The following COL6A5 variants were observed in gnomAD, a reference collection of about 807,000 sequenced individuals.
The protein encoded by COL6A5 is collagen type VI alpha 5 chain.
A neutral mutation model predicts 65.6 loss-of-function variants in COL6A5; 48 were observed. The ratio of observed to expected loss-of-function variants is 0.73; its 90% confidence interval spans 0.58 to 0.93. The LOEUF is 0.93. COL6A5 is among the 40% of genes least tolerant of loss of function. COL6A5 has a pLI of 0.00. For synonymous variants in COL6A5, 291 were observed against 322.8 expected, an observed-to-expected ratio of 0.90 and a Z score of 1.05; for missense variants, 914 against 928.3, an observed-to-expected ratio of 0.98 and a Z score of 0.20.
At chr3:130,423,743 AT>A (rs35980322) in intron 28 of COL6A5, 94 bp from the exon 29 acceptor site, 656,780 of 912,326 alleles carry the variant, frequency 0.72, 239,921 homozygotes, top group Non-Finnish European at 0.74. Context: ...TCTTTTTAAA[AT>A]TTTTTTTAAA....
intron 1 of COL6A5, among the ~76,000 whole-genome samples, chr3:130,369,646 T>C (rs1450060224): frequency 2.0e-5 from 3 of 152,212 alleles, no homozygotes; most frequent in Non-Finnish European, 4.4e-5. Flanking sequence ...TTCACAGATA[T>C]TTTTGACCAA....
Position 130,426,295 on chromosome 3 carries a change from G to A in COL6A5, c.5199+46G>A, listed in dbSNP as rs1330969193. 1.9e-6 allele frequency: 3 copies of A among 1,549,796 alleles called. No individual in the cohort carries two copies. The South Asian group carries it at 3.6e-5, about 18-fold the overall frequency. ...GAAAGAAAACTCAATAAGTTCACTG[G>A]GAAATAAACACAGTTACTCAAAAGT... On this transcript the variant is annotated intron_variant and NMD_transcript_variant, in intron 30 of 41. Coordinates refer to the COL6A5 transcript ENST00000312481.
At chr3:130,482,292 C>T (rs984244021) in intron 7 of COL6A5, among the ~76,000 whole-genome samples, 5 of 151,992 alleles carry the variant, frequency 3.3e-5, no homozygotes, top group South Asian at 2.1e-4. Context: ...CACCATTTAA[C>T]GAATAGGAGA....
intron 1 of COL6A5, 118 bp from the exon 2 acceptor site, chr3:130,373,493 C>T: frequency 5.0e-6 from 3 of 604,816 alleles, no homozygotes; most frequent in South Asian, 2.2e-5. Flanking sequence ...TATAAACACA[C>T]TTGGCACTGC....
chr3:130,470,114 C>T (rs906969704), intron 6 of COL6A5, among the ~76,000 whole-genome samples: 1 of 152,106 alleles, frequency 6.6e-6, no homozygotes, highest in Non-Finnish European at 1.5e-5. Flanking sequence ...ATCTCCTCTA[C>T]AGCCTCTATG....
At chr3:130,383,348 A>C (rs1249019206) in intron 4 of COL6A5, among the ~76,000 whole-genome samples, 5 of 152,054 alleles carry the variant, frequency 3.3e-5, no homozygotes, top group Non-Finnish European at 5.9e-5. Context: ...CGTGTATTGG[A>C]TAGCACAGCC....
At chr3:130,462,202 C>T (rs1346680658) in intron 5 of COL6A5, among the ~76,000 whole-genome samples, 1 of 152,030 alleles carries the variant, frequency 6.6e-6, no homozygotes, top group East Asian at 1.9e-4. Context: ...CTTTGTTGCC[C>T]CAACACGTGC....
chr3:130,432,499 C>T (rs187555798), intron 1 of COL6A5, among the ~76,000 whole-genome samples: 6 of 149,852 alleles, frequency 4.0e-5, no homozygotes, highest in Non-Finnish European at 7.4e-5. Context: ...TGTGGTGAGC[C>T]GAAATGGCGC....
intron 7 of COL6A5, among the ~76,000 whole-genome samples, chr3:130,481,746 C>A (rs574137516): frequency 6.6e-6 from 1 of 152,202 alleles, no homozygotes; most frequent in Non-Finnish European, 1.5e-5. Flanking sequence ...ATCTAACTGG[C>A]GTGAGATAGT....
intron 20 of COL6A5, among the ~76,000 whole-genome samples, chr3:130,411,484 G>T (rs1937173500): frequency 6.6e-6 from 1 of 152,130 alleles, no homozygotes; most frequent in Non-Finnish European, 1.5e-5. Context: ...ACTTGCCTTT[G>T]TTTATCTTGA....
At chr3:130,459,317 T>C (rs1329267412) in intron 5 of COL6A5, among the ~76,000 whole-genome samples, 1 of 152,140 alleles carries the variant, frequency 6.6e-6, no homozygotes, top group Non-Finnish European at 1.5e-5. Context: ...CTTATTCTGA[T>C]TTATAAATTG....
At position 130,416,019 on chromosome 3, in the gene COL6A5, C is replaced by CT. The variant is rs549577310; in HGVS notation, c.4824+313dup. ...AAACTGATACATTATTCTGATTTTT[C>CT]TAACTTTTAAAAGTTATACATGCCA... On this transcript the variant is annotated intron_variant and NMD_transcript_variant, in intron 23 of 41. Transcript: ENST00000312481. Among the ~76,000 whole-genome samples, 67 of 152,184 alleles carry CT rather than the reference C, an allele frequency of 4.4e-4. 2 individuals carry two copies. In the East Asian group the frequency reaches 0.013, roughly 29 times the overall value.
intron 4 of COL6A5, among the ~76,000 whole-genome samples, chr3:130,448,601 A>T (rs1709358192): frequency 6.6e-6 from 1 of 152,150 alleles, no homozygotes; most frequent in South Asian, 2.1e-4. Flanking sequence ...CAGCCTCTGT[A>T]ACACAGCGGC....
intron 17 of COL6A5, 96 bp from the exon 18 acceptor site, chr3:130,409,230 T>G: frequency 1.2e-6 from 1 of 852,028 alleles, no homozygotes. Context: ...AAGAGCATTT[T>G]ATCTGATTAA....
intron 1 of COL6A5, among the ~76,000 whole-genome samples, chr3:130,354,816 T>TTATAG (rs1295301992): frequency 4.6e-5 from 7 of 152,324 alleles, no homozygotes; most frequent in African/African-American, 1.7e-4. Flanking sequence ...GTTCCATGAT[T>TTATAG]TATAGCTGTG....
upstream of COL6A5, among the ~76,000 whole-genome samples, chr3:130,429,403 G>A (rs1215025795): frequency 6.6e-6 from 1 of 152,198 alleles, no homozygotes; most frequent in African/African-American, 2.4e-5. Flanking sequence ...ATAAAATTCT[G>A]TTGACATCTT....
chr3:130,375,872 C>T (rs1016705332), intron 2 of COL6A5, among the ~76,000 whole-genome samples: 1 of 152,126 alleles, frequency 6.6e-6, no homozygotes, highest in Non-Finnish European at 1.5e-5. Flanking sequence ...TATTGGGTCC[C>T]TCCCATGACA....
intron 13 of COL6A5, 56 bp downstream of exon 13, chr3:130,403,718 C>T: frequency 8.1e-7 from 1 of 1,238,358 alleles, no homozygotes; most frequent in Non-Finnish European, 1.1e-6. Flanking sequence ...TACACACACA[C>T]ACACACACAC....
chr3:130,389,065 C>A, exon 6 of COL6A5: 1 of 1,486,290 alleles, frequency 6.7e-7, no homozygotes. Flanking sequence ...CCTAGTTTTT[C>A]ATGTTGAGAA....
Sources: allele counts gnomAD v4.1 joint callset (sites outside exome capture counted in the v4.1 genomes callset), GRCh38; gene constraint gnomAD v4.1.1; transcripts MANE v1.5; gene names NCBI Gene and HGNC (gene_info 2026-07-23, HGNC 2026-07-21).